The following ROR1 variants were observed in gnomAD, a reference collection of about 807,000 sequenced individuals.
ROR1 encodes ROR family WNT receptor 1, also known as inactive tyrosine-protein kinase transmembrane receptor ROR1.
A neutral mutation model predicts 78.8 loss-of-function variants in ROR1; 19 were observed. That is an observed-to-expected ratio of 0.24 (90% CI 0.17 to 0.35). The LOEUF (loss-of-function observed/expected upper bound fraction) is 0.35, where lower values mean the gene tolerates loss of function less well. Among genes scored for constraint, ROR1 ranks in the 10% least tolerant of loss-of-function variants. The probability of loss-of-function intolerance (pLI) is 1.00; values close to 1 mark genes in which losing one functional copy is unlikely to be tolerated. For synonymous variants in ROR1, 386 were observed against 433.6 expected (o/e 0.89, Z 1.36); for missense variants, 917 against 1,177.8 (o/e 0.78, Z 3.24).
chr1:63,797,954 T>A (rs139429293), intron 1 of ROR1, among the ~76,000 whole-genome samples: 1 of 151,732 alleles, frequency 6.6e-6, no homozygotes, highest in African/African-American at 2.4e-5. Context: ...CACATAATCA[T>A]TGGAAGCCAT....
In ROR1 at chr1:64,009,386, G is replaced by A. The variant is rs753599122; in HGVS notation, c.163+10G>A. ...AGTGAACTCAACAAAGGTACACAGT[G>A]GGGGCACACAGGGGAGGCGAGGAAA... On this transcript the variant is annotated intron_variant, in intron 2 of 8. Transcript: ENST00000371079. The A allele has an allele frequency of 6.8e-6, 11 of 1,606,340 alleles. No homozygotes were observed. The highest frequency in any genetic ancestry group is 9.4e-6 in the Non-Finnish European group (11 of 1,173,192).
At chr1:63,781,034 A>G (rs968274325) in intron 1 of ROR1, among the ~76,000 whole-genome samples, 2 of 152,184 alleles carry the variant, frequency 1.3e-5, no homozygotes, top group African/African-American at 4.8e-5. Flanking sequence ...ACCCAAAGAG[A>G]GAAGAGTAAT....
At chr1:64,067,710 C>CTTTTTGTTTTTTTTTT in intron 4 of ROR1, among the ~76,000 whole-genome samples, 1 of 105,698 alleles carries the variant, frequency 9.5e-6, no homozygotes, top group African/African-American at 4.3e-5. Context: ...TAAATAAATT[C>CTTTTTGTTTTTTTTTT]TTTTTTTTTT....
intron 1 of ROR1, among the ~76,000 whole-genome samples, chr1:63,800,921 TG>T (rs1246221311): frequency 2.0e-5 from 3 of 151,858 alleles, no homozygotes; most frequent in Admixed American, 2.0e-4. Flanking sequence ...TAATCTCAGA[TG>T]TTTTTCATCT....
At position 64,007,268 on chromosome 1, in the gene ROR1, C is replaced by T. The variant is rs368119120; in HGVS notation, c.92-2037C>T. Among the ~76,000 whole-genome samples, 59 of 152,200 alleles carry T rather than the reference C, an allele frequency of 3.9e-4. 1 individual carries two copies. The South Asian group carries it at 0.012, about 30-fold the overall frequency. ...ACAGAGCCATAATTGATTAAAGATGCCTACACTGGATTGAAGTAGGAGGGA... is the reference window on the plus strand; with the variant it reads ...ACAGAGCCATAATTGATTAAAGATGTCTACACTGGATTGAAGTAGGAGGGA... On this transcript the variant is annotated intron_variant, in intron 1 of 8. Coordinates refer to ENST00000371079, the MANE Select transcript of ROR1 (RefSeq NM_005012.4).
At chr1:63,874,273 A>G (rs1253843966) in intron 1 of ROR1, among the ~76,000 whole-genome samples, 2 of 152,150 alleles carry the variant, frequency 1.3e-5, no homozygotes, top group African/African-American at 4.8e-5. Flanking sequence ...CTTTTGTTTA[A>G]ACTTGTCAAA....
rs576363261 is a variant in ROR1, at chr1:64,055,190, A to G, written c.482+4474A>G. On this transcript the variant is annotated intron_variant, in intron 4 of 8. Transcript: ENST00000371079. ...TGATATTGCAAAGTTTTTCTCAGCC[A>G]TGCAAAACTCTTGCAAATGTTATTC... Among the ~76,000 whole-genome samples the G allele has an allele frequency of 7.2e-5, 11 of 152,364 alleles. No homozygotes were observed. In the South Asian group the frequency reaches 2.1e-3, roughly 29 times the overall value.
At chr1:63,998,818 G>A (rs1014592810) in intron 1 of ROR1, among the ~76,000 whole-genome samples, 1 of 152,176 alleles carries the variant, frequency 6.6e-6, no homozygotes, top group African/African-American at 2.4e-5. Flanking sequence ...ATCTTGAATT[G>A]TACTCTCATA....
At chr1:63,796,057 A>T (rs1004954425) in intron 1 of ROR1, among the ~76,000 whole-genome samples, 3 of 152,208 alleles carry the variant, frequency 2.0e-5, no homozygotes, top group African/African-American at 7.2e-5. Flanking sequence ...AAACTGGGAG[A>T]GAGAGAGTTT....
intron 1 of ROR1, among the ~76,000 whole-genome samples, chr1:63,982,668 T>C (rs913687357): frequency 3.5e-4 from 54 of 152,172 alleles, no homozygotes; most frequent in Non-Finnish European, 8.8e-5. Context: ...TTACAGACTC[T>C]GGGAGTTTAA....
chr1:63,874,106 T>C (rs887293017), intron 1 of ROR1, among the ~76,000 whole-genome samples: 2 of 152,132 alleles, frequency 1.3e-5, no homozygotes, highest in Non-Finnish European at 2.9e-5. Flanking sequence ...AAGTACAAGA[T>C]AGTTATTATT....
Position 63,787,438 on chromosome 1 carries a change from TTTCCTTCCTTCCTTCCTTCCTTCC to T in ROR1, c.91+12952_91+12975del, listed in dbSNP as rs72297365. 3.9e-5 allele frequency among the ~76,000 whole-genome samples: 5 copies of T among 127,738 alleles called. No individual in the cohort carries two copies. The Admixed American group carries it at 4.0e-4, about 10-fold the overall frequency. 83.8% of individuals were successfully genotyped at this position (127,738 alleles called of 152,430 possible). On this transcript the variant is annotated intron_variant, in intron 1 of 8. Transcript: ENST00000371079. ...TCTCCCTGTAGAACTATTGCCTTTC[TTTCCTTCCTTCCTTCCTTCCTTCC>T]TTCCTTCCTTCCTTCCTTCCTGCCT...
intron 4 of ROR1, among the ~76,000 whole-genome samples, chr1:64,116,986 A>G (rs1648338445): frequency 1.3e-5 from 2 of 152,158 alleles, no homozygotes; most frequent in Admixed American, 1.3e-4. Flanking sequence ...TCCTTGAGGG[A>G]AGAAATCAAG....
intron 1 of ROR1, among the ~76,000 whole-genome samples, chr1:64,006,926 A>G (rs1646432258): frequency 6.6e-6 from 1 of 152,170 alleles, no homozygotes. Context: ...AAGCTTAGTC[A>G]GTGACGATGA....
intron 1 of ROR1, among the ~76,000 whole-genome samples, chr1:63,842,407 C>G (rs535429719): frequency 2.0e-5 from 3 of 152,290 alleles, no homozygotes; most frequent in African/African-American, 7.2e-5. Context: ...TGAAGAGGGC[C>G]AGGTGACATC....
At chr1:63,866,484 T>C (rs1645216108) in intron 1 of ROR1, among the ~76,000 whole-genome samples, 2 of 152,190 alleles carry the variant, frequency 1.3e-5, no homozygotes, top group Non-Finnish European at 1.5e-5. Context: ...GTGGTTTCTT[T>C]TGAAAACAAG....
At chr1:64,137,518 A>T in intron 5 of ROR1, 22 bp downstream of exon 5, 5 of 1,602,836 alleles carry the variant, frequency 3.1e-6, no homozygotes, top group Non-Finnish European at 4.3e-6. Flanking sequence ...CAATGAAATT[A>T]TATTTGTCCC....
rs991320567 is a variant in ROR1, at chr1:64,158,919, G to A, written c.1175-62G>A. On this transcript the variant is annotated intron_variant, in intron 7 of 8. Coordinates refer to ENST00000371079, the MANE Select transcript of ROR1 (RefSeq NM_005012.4). ...GGTGGTTCATTTTAAACTATGCAAT[G>A]TAATATTATGCATGTTACTTTAAAG... The A allele has an allele frequency of 1.0e-5, 13 of 1,248,096 alleles. No homozygotes were observed. The African/African-American group carries it at 1.9e-4, about 19-fold the overall frequency. 77.3% of individuals were successfully genotyped at this position (1,248,096 alleles called of 1,614,324 possible).
chr1:63,804,168 T>A (rs1370232590), intron 1 of ROR1, among the ~76,000 whole-genome samples: 1 of 151,992 alleles, frequency 6.6e-6, no homozygotes, highest in Non-Finnish European at 1.5e-5. Flanking sequence ...TGAAGGAGGA[T>A]CATGAGGCAA....
Sources: gnomAD v4.1 joint callset for allele counts (sites outside exome capture counted in the v4.1 genomes callset) on GRCh38, gnomAD v4.1.1 for gene constraint, MANE v1.5 for transcripts, NCBI Gene and HGNC (gene_info 2026-07-23, HGNC 2026-07-21) for gene names.